ZNF445: variants seen among roughly 807,000 people sequenced by gnomAD.
ZNF445 encodes the protein zinc finger protein 168.
In ZNF445, 19 loss-of-function variants were observed where a neutral mutation model predicts 93.9. That is an observed-to-expected ratio of 0.20 (90% CI 0.14 to 0.30). The LOEUF (loss-of-function observed/expected upper bound fraction) is 0.30, where lower values mean the gene tolerates loss of function less well. Among genes scored for constraint, ZNF445 ranks in the 10% least tolerant of loss-of-function variants. ZNF445 has a pLI of 1.00. For missense variants in ZNF445, 1,058 were observed against 1,259.4 expected (o/e 0.84, Z 2.42); for synonymous variants, 449 against 446.3 (o/e 1.01, Z -0.08).
chr3:44,454,887 G>A (rs1575311485), intron 3 of ZNF445: 3 of 569,550 alleles, frequency 5.3e-6, no homozygotes, highest in East Asian at 3.0e-5. Flanking sequence ...TATTTATGGA[G>A]ACTTGCTGAC....
intron 3 of ZNF445, among the ~76,000 whole-genome samples, chr3:44,451,762 CTT>C (rs1697961834): frequency 6.6e-6 from 1 of 152,146 alleles, no homozygotes; most frequent in African/African-American, 2.4e-5. Context: ...GTACAGCACT[CTT>C]GTCAGGCCTC....
At position 44,448,585 on chromosome 3, in the gene ZNF445, C is replaced by T; in HGVS notation, c.1086G>A (p.Lys362=). 1 of 1,614,088 alleles carries T rather than the reference C, an allele frequency of 6.2e-7. No homozygotes were observed. Among genetic ancestry groups the T allele is most frequent in the African/African-American group, 1.3e-5 (1 of 75,042 alleles). The change falls in exon 8 of 8, where the codon AAG becomes AAA. Residue 362 remains lysine, a synonymous_variant. Transcript: ENST00000396077. ...CTTGTATGGGATTTTCACATTGATC[C>T]TTCTGCCTGCTCTTCTGTTGAAAAG... ...RESFQQKSRQ[K]DQCENPIQVR... is the part of the protein sequence containing the mutation.
In ZNF445 at chr3:44,434,820, G is replaced by A. The variant is rs1697643320; in HGVS notation, c.*11755C>T. On this transcript the variant is annotated 3_prime_UTR_variant, in exon 8 of 8. Transcript: ENST00000396077. The stretch of plus-strand genomic sequence containing the variant: ...ACTTCGCCTGCCCCGCTTGCTTTTG[G>A]TTGCTTGCTCTTTGTTATTTTTTCC... 6.6e-6 allele frequency: 1 copy of A among 152,174 alleles called. No individual in the cohort carries two copies. The highest frequency in any genetic ancestry group is 6.5e-5 in the Admixed American group (1 of 15,280). The allele number at this position is 152,174 out of a possible 1,614,324, so 9.4% of individuals were successfully genotyped here.
In ZNF445 at chr3:44,435,150, T is replaced by C. The variant is rs1043369765; in HGVS notation, c.*11425A>G. The C allele has an allele frequency of 1.3e-5, 2 of 152,136 alleles. No individual in the cohort carries two copies. Among genetic ancestry groups the C allele is most frequent in the Admixed American group, 1.3e-4 (2 of 15,256 alleles). The allele number at this position is 152,136 out of a possible 1,614,324, so 9.4% of individuals were successfully genotyped here. On this transcript the variant is annotated 3_prime_UTR_variant, in exon 8 of 8. Transcript: ENST00000396077. ...TGAACCCCAATTATGACTGCATTTT[T>C]CCCCACTGCCAATCACCTTTCCCCA...
intron 1 of ZNF445, among the ~76,000 whole-genome samples, chr3:44,473,029 A>G (rs951526631): frequency 3.3e-5 from 5 of 152,086 alleles, no homozygotes; most frequent in Non-Finnish European, 7.4e-5. Flanking sequence ...CTCATGGCCA[A>G]TGTAATTTCT....
chr3:44,468,089 G>A (rs1316369428), intron 1 of ZNF445, among the ~76,000 whole-genome samples: 2 of 152,218 alleles, frequency 1.3e-5, no homozygotes, highest in Admixed American at 6.5e-5. Context: ...CCAAGCCTGC[G>A]TGAGTACACT....
Position 44,437,026 on chromosome 3 carries a change from G to C in ZNF445, c.*9549C>G, listed in dbSNP as rs139244481. On this transcript the variant is annotated 3_prime_UTR_variant, in exon 8 of 8. Coordinates refer to ENST00000396077, the MANE Select transcript of ZNF445 (RefSeq NM_181489.6). ...AAGTTTATTAAGTAAAGGAATAAAA[G>C]AATGGCTACTCCATAGACAGAGCAG... is the stretch of plus-strand genomic sequence containing the variant. 7.9e-5 allele frequency: 12 copies of C among 152,272 alleles called. No homozygotes were observed. The highest frequency in any genetic ancestry group is 2.9e-4 in the African/African-American group (12 of 41,546). 9.4% of individuals were successfully genotyped at this position (152,272 alleles called of 1,614,324 possible). A position where few individuals can be genotyped will look rare whatever the true frequency, so the allele number is the denominator to read the frequency against.
intron 1 of ZNF445, among the ~76,000 whole-genome samples, chr3:44,475,221 G>T (rs762213968): frequency 1.3e-5 from 2 of 151,866 alleles, no homozygotes; most frequent in Non-Finnish European, 2.9e-5. Context: ...TTTTTGAGAC[G>T]GAGTTTCACT....
chr3:44,438,047 C>G lies in ZNF445; in HGVS notation c.*8528G>C, dbSNP rs531519796. 2 of 152,370 alleles carry G rather than the reference C, an allele frequency of 1.3e-5. No homozygotes were observed. The allele number at this position is 152,370 out of a possible 1,614,324, so 9.4% of individuals were successfully genotyped here. On this transcript the variant is annotated 3_prime_UTR_variant, in exon 8 of 8. Transcript: ENST00000396077. ...CCCCTATTCAACATGGAGTTGCTCTCGTTCCAATGCTTCTGACGCTATCTC... is the reference window on the plus strand; with the variant it reads ...CCCCTATTCAACATGGAGTTGCTCTGGTTCCAATGCTTCTGACGCTATCTC...
Position 44,431,843 on chromosome 3 carries a change from C to A in ZNF445, c.*14732G>T, listed in dbSNP as rs141665280. 1 of 152,036 alleles carries A rather than the reference C, an allele frequency of 6.6e-6. No individual in the cohort carries two copies. Among genetic ancestry groups the A allele is most frequent in the Non-Finnish European group, 1.5e-5 (1 of 68,006 alleles). The allele number at this position is 152,036 out of a possible 1,614,324, so 9.4% of individuals were successfully genotyped here. Reference sequence around the variant, plus strand: ...TGTAAAGGTTGTCGGCTACTTCTGACCTAAAGGGTGAAAACAACCACAGAC... The same window carrying A: ...TGTAAAGGTTGTCGGCTACTTCTGAACTAAAGGGTGAAAACAACCACAGAC... On this transcript the variant is annotated 3_prime_UTR_variant, in exon 8 of 8. Transcript: ENST00000396077.
chr3:44,469,950 T>C (rs1411910703), intron 1 of ZNF445, among the ~76,000 whole-genome samples: 1 of 152,172 alleles, frequency 6.6e-6, no homozygotes, highest in Admixed American at 6.5e-5. Context: ...GAGGCCACTC[T>C]TTTTTCTCAC....
intron 1 of ZNF445, among the ~76,000 whole-genome samples, chr3:44,463,325 T>G (rs1299861156): frequency 6.6e-6 from 1 of 152,082 alleles, no homozygotes; most frequent in Non-Finnish European, 1.5e-5. Context: ...TGTGAGCCAC[T>G]GAGCCCAGCC....
rs934343684 is a variant in ZNF445, at chr3:44,437,941, A to G, written c.*8634T>C. 1 of 152,848 alleles carries G rather than the reference A, an allele frequency of 6.5e-6. No homozygotes were observed. The highest frequency in any genetic ancestry group is 2.4e-5 in the African/African-American group (1 of 41,448). The allele number at this position is 152,848 out of a possible 1,614,324, so 9.5% of individuals were successfully genotyped here. A position where few individuals can be genotyped will look rare whatever the true frequency, so the allele number is the denominator to read the frequency against. Reference sequence around the variant, plus strand: ...GCCTAACTTTCTGAGAATGCAGGCCAGTAAGTCTCAGCCTCATTTTCCCAG... The same window carrying G: ...GCCTAACTTTCTGAGAATGCAGGCCGGTAAGTCTCAGCCTCATTTTCCCAG... On this transcript the variant is annotated 3_prime_UTR_variant, in exon 8 of 8. Coordinates refer to ENST00000396077, the MANE Select transcript of ZNF445 (RefSeq NM_181489.6).
rs1320089254 is a variant in ZNF445 at position 44,446,710 on chromosome 3, AAAAGTTTTCCC to A, written c.2950_2960del (p.Gly984Ter). ...GGCTAATGAGTTGTGAACTCTTGTTAAAAGTTTTCCCACATATGCTGCATTTGTGGCACTTT... is the reference window on the plus strand; with the variant it reads ...GGCTAATGAGTTGTGAACTCTTGTTAACATATGCTGCATTTGTGGCACTTT... On this transcript the variant is annotated frameshift_variant, in exon 8 of 8. Transcript: ENST00000396077. LOFTEE classifies it high-confidence loss of function. The surrounding 1 kb of genome is among the most constrained non-coding windows in gnomAD (Gnocchi z 4.2). 6.2e-7 allele frequency: 1 copy of A among 1,614,218 alleles called. No individual in the cohort carries two copies. Among genetic ancestry groups the A allele is most frequent in the Non-Finnish European group, 8.5e-7 (1 of 1,180,042 alleles).
intron 4 of ZNF445, 42 bp from the exon 5 acceptor site, chr3:44,451,004 C>G (rs1385362622): frequency 2.7e-6 from 4 of 1,471,916 alleles, no homozygotes; most frequent in Non-Finnish European, 3.6e-6. Flanking sequence ...CAGCTCTGGA[C>G]AGCCCAGTGA....
At chr3:44,461,939 G>A (rs1698119470) in intron 1 of ZNF445, among the ~76,000 whole-genome samples, 1 of 152,158 alleles carries the variant, frequency 6.6e-6, no homozygotes, top group African/African-American at 2.4e-5. Context: ...GAGAAAGGGA[G>A]CCCAGAAACC....
At chr3:44,470,057 A>T (rs1698245827) in intron 1 of ZNF445, among the ~76,000 whole-genome samples, 1 of 152,018 alleles carries the variant, frequency 6.6e-6, no homozygotes, top group Non-Finnish European at 1.5e-5. Flanking sequence ...CCTCCTGAAT[A>T]GCTGAGACTA....
chr3:44,465,044 G>T (rs985371878), intron 1 of ZNF445, among the ~76,000 whole-genome samples: 1 of 149,076 alleles, frequency 6.7e-6, no homozygotes, highest in African/African-American at 2.5e-5. Context: ...TCCAGCCTGG[G>T]CGACAGAGTG....
In ZNF445 at chr3:44,449,620, C is replaced by T. The variant is rs371617325; in HGVS notation, c.824G>A (p.Gly275Glu). Reference protein sequence around the residue: ...ENYRNMASLVGPFTKPALISW... With the variant: ...ENYRNMASLVEPFTKPALISW... Reference sequence around the variant, plus strand: ...GATCAGAGCAGGTTTGGTGAATGGTCCCACTGCAGAAGAGAAGAGAATGGC... The same window carrying T: ...GATCAGAGCAGGTTTGGTGAATGGTTCCACTGCAGAAGAGAAGAGAATGGC... Residue 275 changes from glycine (G) to glutamate (E), a missense_variant, in exon 7 of 8, where the codon GGA (glycine) becomes GAA (glutamate). By Grantham distance (98) the Gly-to-Glu change is moderately conservative. This residue lies in a region of ZNF445 where 657 missense variants were observed against 746.4 expected (regional missense o/e 0.88). Coordinates refer to ENST00000396077, the MANE Select transcript of ZNF445 (RefSeq NM_181489.6). The T allele has an allele frequency of 9.3e-6, 15 of 1,612,522 alleles. No individual in the cohort carries two copies. The highest frequency in any genetic ancestry group is 3.3e-5 in the Admixed American group (2 of 59,980).
Sources: allele counts gnomAD v4.1 joint callset (sites outside exome capture counted in the v4.1 genomes callset), GRCh38; gene constraint gnomAD v4.1.1; regional missense constraint gnomAD v4.1.1; non-coding constraint Gnocchi (gnomAD v3.1); transcripts MANE v1.5; gene names NCBI Gene and HGNC (gene_info 2026-07-23, HGNC 2026-07-21).